WDR59: variants seen among roughly 807,000 people sequenced by gnomAD.
WDR59 encodes WD repeat domain 59, also known as GATOR2 complex protein WDR59.
WDR59 carries 100 observed loss-of-function variants against 131.2 expected under a neutral mutation model. That is an observed-to-expected ratio of 0.76 (90% CI 0.65 to 0.90). The LOEUF is 0.90. Ranked by LOEUF, WDR59 falls within the 40% of genes least tolerant of loss-of-function variation. The pLI, the probability that WDR59 is intolerant of heterozygous loss-of-function variation, is 0.00. For synonymous variants in WDR59, 601 were observed against 466.2 expected, an observed-to-expected ratio of 1.29 and a Z score of -3.72; for missense variants, 1,203 against 1,262.2, an observed-to-expected ratio of 0.95 and a Z score of 0.71.
In WDR59 at chr16:74,967,012, G is replaced by A. The variant is rs894991841; in HGVS notation, c.55-1190C>T. The stretch of plus-strand genomic sequence containing the variant: ...ATGAAACAGTTTGTGCCACTGTTTG[G>A]TTATTAAATGCTCTAAGTTCTCTCC... On this transcript the variant is annotated intron_variant, in intron 1 of 25. Coordinates refer to ENST00000262144, the MANE Select transcript of WDR59 (RefSeq NM_030581.4). Among the ~76,000 whole-genome samples, 3 of 152,158 alleles carry A rather than the reference G, an allele frequency of 2.0e-5. No individual in the cohort carries two copies. In the South Asian group the frequency reaches 6.2e-4, roughly 32 times the overall value.
chr16:74,951,094 T>C (rs1435981348), intron 4 of WDR59, among the ~76,000 whole-genome samples: 1 of 137,608 alleles, frequency 7.3e-6, no homozygotes, highest in African/African-American at 2.8e-5. Flanking sequence ...CAGGAAGCGG[T>C]GGTTGCAGTG....
intron 7 of WDR59, among the ~76,000 whole-genome samples, chr16:74,941,747 C>T (rs1359870525): frequency 6.6e-6 from 1 of 151,936 alleles, no homozygotes; most frequent in Non-Finnish European, 1.5e-5. Flanking sequence ...ATCACCTTCT[C>T]ACCTAAGAGC....
At chr16:74,880,748 A>G (rs868631503) in intron 25 of WDR59, among the ~76,000 whole-genome samples, 1 of 152,358 alleles carries the variant, frequency 6.6e-6, no homozygotes, top group South Asian at 2.1e-4. Context: ...AATGAAGACC[A>G]TAAAAATACT....
At chr16:74,955,131 G>T (rs2033219178) in intron 3 of WDR59, among the ~76,000 whole-genome samples, 1 of 152,218 alleles carries the variant, frequency 6.6e-6, no homozygotes, top group African/African-American at 2.4e-5. Flanking sequence ...TTTTAAAAAG[G>T]CTGTCTTTGT....
chr16:74,971,137 A>G (rs1322459269), intron 1 of WDR59, among the ~76,000 whole-genome samples: 4 of 152,136 alleles, frequency 2.6e-5, no homozygotes, highest in Non-Finnish European at 5.9e-5. Flanking sequence ...GTTCCTCGAC[A>G]TCTCTGAGAA....
At chr16:74,885,442 C>T (rs548141732) in intron 25 of WDR59, among the ~76,000 whole-genome samples, 11 of 84,894 alleles carry the variant, frequency 1.3e-4, no homozygotes, top group East Asian at 4.4e-4. Flanking sequence ...GAGTGAGATT[C>T]CATCTCAAAA....
In WDR59 at chr16:74,872,214, T is replaced by G. The variant is rs1964023846; in HGVS notation, c.*1995A>C. On this transcript the variant is annotated 3_prime_UTR_variant, in exon 26 of 26. Transcript: ENST00000262144. ...GCACTAGATCAATGTCACAATCCAC[T>G]AATGGGTCCTGACCTGGAGTTTGAA... 1 of 152,204 alleles carries G rather than the reference T, an allele frequency of 6.6e-6. No homozygotes were observed. The highest frequency in any genetic ancestry group is 1.5e-5 in the Non-Finnish European group (1 of 68,040). 9.4% of individuals were successfully genotyped at this position (152,204 alleles called of 1,614,324 possible). A position where few individuals can be genotyped will look rare whatever the true frequency, so the allele number is the denominator to read the frequency against.
chr16:74,972,249 G>C (rs1400007787), intron 1 of WDR59, among the ~76,000 whole-genome samples: 1 of 152,178 alleles, frequency 6.6e-6, no homozygotes, highest in African/African-American at 2.4e-5. Flanking sequence ...TTCTCTTGGA[G>C]TAAATATAAT....
At chr16:74,924,718 C>A (rs533044107) in intron 8 of WDR59, among the ~76,000 whole-genome samples, 1 of 152,226 alleles carries the variant, frequency 6.6e-6, no homozygotes, top group Middle Eastern at 3.4e-3. Context: ...GAGTGAAACT[C>A]GGAACTGCTT....
intron 19 of WDR59, among the ~76,000 whole-genome samples, chr16:74,892,908 C>T (rs961300892): frequency 5.9e-5 from 9 of 152,198 alleles, no homozygotes; most frequent in African/African-American, 2.2e-4. Flanking sequence ...ACATGCGACA[C>T]TGACTATGGT....
At chr16:74,971,673 T>C (rs1382593997) in intron 1 of WDR59, among the ~76,000 whole-genome samples, 3 of 152,030 alleles carry the variant, frequency 2.0e-5, no homozygotes, top group Non-Finnish European at 4.4e-5. Context: ...CCTTAAGTGA[T>C]CCACCTGCCT....
At chr16:74,976,080 T>G (rs1455626592) in intron 1 of WDR59, among the ~76,000 whole-genome samples, 1 of 152,220 alleles carries the variant, frequency 6.6e-6, no homozygotes, top group African/African-American at 2.4e-5. Context: ...AGTCCTATTC[T>G]GCCCCTCCAT....
chr16:74,941,888 G>A (rs537120521), intron 7 of WDR59, among the ~76,000 whole-genome samples: 25 of 152,264 alleles, frequency 1.6e-4, no homozygotes, highest in African/African-American at 5.8e-4. Context: ...ATGGAGGGAA[G>A]GGAGCAGCCG....
intron 25 of WDR59, among the ~76,000 whole-genome samples, chr16:74,881,864 C>G (rs1273687926): frequency 2.9e-5 from 4 of 139,356 alleles, no homozygotes; most frequent in African/African-American, 1.1e-4. Flanking sequence ...CAGAGCAAGA[C>G]TCCGTCTCAA....
intron 2 of WDR59, among the ~76,000 whole-genome samples, chr16:74,960,132 C>A (rs1158200018): frequency 6.6e-6 from 1 of 151,036 alleles, no homozygotes; most frequent in African/African-American, 2.4e-5. Context: ...GGGCTTGAGA[C>A]CAGCCTGGGC....
intron 25 of WDR59, among the ~76,000 whole-genome samples, chr16:74,884,295 C>A (rs1337088231): frequency 6.6e-6 from 1 of 152,208 alleles, no homozygotes; most frequent in Non-Finnish European, 1.5e-5. Context: ...ACCCAAAGCA[C>A]ACTGCTTACT....
At chr16:74,940,973 G>C in intron 7 of WDR59, among the ~76,000 whole-genome samples, 1 of 151,856 alleles carries the variant, frequency 6.6e-6, no homozygotes, top group East Asian at 2.0e-4. Context: ...CAAAGTGCTG[G>C]GATTACAGGT....
chr16:74,879,230 T>C (rs1964363552), intron 25 of WDR59, among the ~76,000 whole-genome samples: 1 of 152,182 alleles, frequency 6.6e-6, no homozygotes, highest in Admixed American at 6.5e-5. Flanking sequence ...TGATGGTGTA[T>C]GCCTGTGGTC....
intron 1 of WDR59, among the ~76,000 whole-genome samples, chr16:74,981,023 T>G (rs1279123498): frequency 1.4e-5 from 2 of 146,932 alleles, no homozygotes; most frequent in Non-Finnish European, 3.0e-5. Flanking sequence ...AGCTCAGGAG[T>G]TCAAGACCAG....
Sources: allele counts gnomAD v4.1 joint callset (sites outside exome capture counted in the v4.1 genomes callset), GRCh38; gene constraint gnomAD v4.1.1; transcripts MANE v1.5; gene names NCBI Gene and HGNC (gene_info 2026-07-23, HGNC 2026-07-21).